HCN1: variants seen among roughly 807,000 people sequenced by gnomAD.
The protein encoded by HCN1 is hyperpolarization activated cyclic nucleotide gated potassium channel 1.
In HCN1, 13 loss-of-function variants were observed where a neutral mutation model predicts 78.9. The ratio of observed to expected loss-of-function variants is 0.16; its 90% confidence interval spans 0.11 to 0.26. HCN1 has a LOEUF of 0.26. Ranked by LOEUF, HCN1 falls within the 10% of genes least tolerant of loss-of-function variation. The pLI is 1.00. For missense variants in HCN1, 810 were observed against 1,154.3 expected (o/e 0.70, Z 4.32); for synonymous variants, 552 against 455.5 (o/e 1.21, Z -2.70).
At chr5:45,461,764 T>A in intron 3 of HCN1, 82 bp downstream of exon 3, 1 of 1,205,840 alleles carries the variant, frequency 8.3e-7, no homozygotes, top group South Asian at 1.3e-5. Context: ...AGAGAAGAAA[T>A]CAGATCATTG....
chr5:45,646,673 A>T (rs1247935875), intron 1 of HCN1, among the ~76,000 whole-genome samples: 1 of 152,178 alleles, frequency 6.6e-6, no homozygotes, highest in Non-Finnish European at 1.5e-5. Context: ...TATATAGCTT[A>T]ACTAAATTAA....
chr5:45,396,086 T>C (rs957203916), intron 4 of HCN1, among the ~76,000 whole-genome samples: 2 of 151,704 alleles, frequency 1.3e-5, no homozygotes, highest in African/African-American at 4.8e-5. Flanking sequence ...TGAGGGGGGG[T>C]ACAGAGGGAC....
rs1186807922 is a variant in HCN1 at position 45,256,224 on chromosome 5, T to G, written c.*5697A>C. 1 of 151,784 alleles carries G rather than the reference T, an allele frequency of 6.6e-6. No individual in the cohort carries two copies. The highest frequency in any genetic ancestry group is 1.5e-5 in the Non-Finnish European group (1 of 67,978). 9.4% of individuals were successfully genotyped at this position (151,784 alleles called of 1,614,324 possible). On this transcript the variant is annotated 3_prime_UTR_variant, in exon 8 of 8. Transcript: ENST00000303230. ...TGTCTCTACTAAAAATTACAAAAAT[T>G]TAGCTAGCCATGGTGGCGGGCACCT... is the stretch of plus-strand genomic sequence containing the variant.
intron 5 of HCN1, among the ~76,000 whole-genome samples, chr5:45,331,854 C>T (rs1377136199): frequency 1.3e-5 from 2 of 151,474 alleles, no homozygotes; most frequent in African/African-American, 4.8e-5. Flanking sequence ...CCATCATCAT[C>T]AGTAATTCAT....
intron 3 of HCN1, among the ~76,000 whole-genome samples, chr5:45,442,424 G>T (rs1740695993): frequency 6.6e-6 from 1 of 151,920 alleles, no homozygotes; most frequent in Non-Finnish European, 1.5e-5. Flanking sequence ...GGGCCTGCTG[G>T]CTCTAAATCT....
At chr5:45,362,949 C>T (rs914982297) in intron 4 of HCN1, among the ~76,000 whole-genome samples, 4 of 151,678 alleles carry the variant, frequency 2.6e-5, no homozygotes, top group African/African-American at 9.7e-5. Flanking sequence ...TTCTACTTCT[C>T]ATTAAAACCT....
intron 1 of HCN1, among the ~76,000 whole-genome samples, chr5:45,691,653 G>A (rs1184872398): frequency 6.6e-6 from 1 of 152,186 alleles, no homozygotes; most frequent in African/African-American, 2.4e-5. Flanking sequence ...GGCAGATACA[G>A]AGTGTGTTCA....
At chr5:45,502,318 C>A (rs1032357030) in intron 2 of HCN1, among the ~76,000 whole-genome samples, 18 of 147,496 alleles carry the variant, frequency 1.2e-4, no homozygotes, top group East Asian at 5.9e-4. Flanking sequence ...AAAAAAAAAA[C>A]AAAACAACAA....
rs1391067589 is a variant in HCN1 at position 45,267,441 on chromosome 5, G to GT, written c.1619-189dup. Among the ~76,000 whole-genome samples the GT allele has an allele frequency of 4.0e-4, 60 of 149,726 alleles. 1 individual carries two copies. Among genetic ancestry groups the GT allele is most frequent in the African/African-American group, 1.4e-3 (56 of 40,392 alleles). On this transcript the variant is annotated intron_variant, in intron 6 of 7. Coordinates refer to ENST00000303230, the MANE Select transcript of HCN1 (RefSeq NM_021072.4). ...TGCCAATACTCAATCTTAAAATAATGTTTTTTTGTTTTGTTTTGTTTTAAA... is the reference window on the plus strand; with the variant it reads ...TGCCAATACTCAATCTTAAAATAATGTTTTTTTTGTTTTGTTTTGTTTTAAA...
chr5:45,279,736 GA>G (rs1461345822), intron 6 of HCN1, among the ~76,000 whole-genome samples: 1 of 151,862 alleles, frequency 6.6e-6, no homozygotes, highest in African/African-American at 2.4e-5. Flanking sequence ...AAAAATTGCA[GA>G]CATATTATTT....
At chr5:45,401,528 C>T (rs760557725) in intron 3 of HCN1, among the ~76,000 whole-genome samples, 4 of 152,036 alleles carry the variant, frequency 2.6e-5, no homozygotes, top group Non-Finnish European at 5.9e-5. Context: ...AGTTCCTTGG[C>T]AGCTGCTGGA....
At chr5:45,379,840 G>A (rs1373392031) in intron 4 of HCN1, among the ~76,000 whole-genome samples, 3 of 151,944 alleles carry the variant, frequency 2.0e-5, no homozygotes, top group Non-Finnish European at 2.9e-5. Flanking sequence ...GGAATGATGG[G>A]GAGTGACTCT....
chr5:45,482,613 A>T (rs574631090), intron 2 of HCN1, among the ~76,000 whole-genome samples: 40 of 152,242 alleles, frequency 2.6e-4, no homozygotes, highest in Non-Finnish European at 3.7e-4. Context: ...TTGTTTTTTT[A>T]AATTTCAACT....
intron 2 of HCN1, among the ~76,000 whole-genome samples, chr5:45,621,344 GA>G (rs1437277810): frequency 1.3e-5 from 2 of 151,042 alleles, no homozygotes; most frequent in East Asian, 3.9e-4. Context: ...CTCCAGAAGT[GA>G]AAAGTCAGGC....
Position 45,432,287 on chromosome 5 carries a change from C to G in HCN1, c.1011+29559G>C, listed in dbSNP as rs537646198. On this transcript the variant is annotated intron_variant, in intron 3 of 7. Coordinates refer to ENST00000303230, the MANE Select transcript of HCN1 (RefSeq NM_021072.4). ...TAATTTTTGTACACTGATTTTGTAT[C>G]CTGAAACTTTGCTGAAGTTGTTTAT... Among the ~76,000 whole-genome samples, 10 of 152,156 alleles carry G rather than the reference C, an allele frequency of 6.6e-5. No individual in the cohort carries two copies. In the South Asian group the frequency reaches 1.0e-3, roughly 16 times the overall value.
intron 2 of HCN1, among the ~76,000 whole-genome samples, chr5:45,570,348 T>C (rs1436672579): frequency 6.6e-6 from 1 of 152,140 alleles, no homozygotes; most frequent in Non-Finnish European, 1.5e-5. Flanking sequence ...ATCTGGAACA[T>C]GGAATCTACT....
intron 2 of HCN1, among the ~76,000 whole-genome samples, chr5:45,467,776 C>G (rs1741303523): frequency 6.6e-6 from 1 of 152,102 alleles, no homozygotes; most frequent in Non-Finnish European, 1.5e-5. Context: ...ATTCCCTCAA[C>G]TTTGGGGGCT....
At chr5:45,371,448 C>T (rs1056740324) in intron 4 of HCN1, among the ~76,000 whole-genome samples, 2 of 151,756 alleles carry the variant, frequency 1.3e-5, no homozygotes, top group Non-Finnish European at 2.9e-5. Context: ...GGGGATATTA[C>T]CACTGAACCC....
At chr5:45,361,300 G>A (rs903656616) in intron 4 of HCN1, among the ~76,000 whole-genome samples, 2 of 152,092 alleles carry the variant, frequency 1.3e-5, no homozygotes, top group East Asian at 3.9e-4. Flanking sequence ...TCCTGCCTCA[G>A]CTGTAGCTGA....
Sources: allele counts gnomAD v4.1 joint callset (sites outside exome capture counted in the v4.1 genomes callset), GRCh38; gene constraint gnomAD v4.1.1; transcripts MANE v1.5; gene names NCBI Gene and HGNC (gene_info 2026-07-23, HGNC 2026-07-21).